The following RAD54B variants were observed in gnomAD, a reference collection of about 807,000 sequenced individuals.
RAD54B encodes the protein DNA repair and recombination protein RAD54B.
Under a neutral mutation model 95.8 loss-of-function variants are expected in RAD54B, and 78 were observed. The observed-to-expected ratio is 0.81, with a 90% CI of 0.68 to 0.98. RAD54B has a LOEUF of 0.98. Ranked by LOEUF, RAD54B falls within the 50% of genes least tolerant of loss-of-function variation. The pLI, the probability that RAD54B is intolerant of heterozygous loss-of-function variation, is 0.00. For synonymous variants in RAD54B, 328 were observed against 354.9 expected, an observed-to-expected ratio of 0.92 and a Z score of 0.85; for missense variants, 957 against 1,056.6, an observed-to-expected ratio of 0.91 and a Z score of 1.31.
At position 94,472,886 on chromosome 8, in the gene RAD54B, T is replaced by C. The variant is rs561591222; in HGVS notation, c.-17+2115A>G. The stretch of plus-strand genomic sequence containing the variant: ...TTTCTGATTTTTCAATCCTCCTATT[T>C]TGTAAACTAATAAAAATGATAATGC... On this transcript the variant is annotated intron_variant, in intron 1 of 14. Transcript: ENST00000336148. 2.0e-5 allele frequency among the ~76,000 whole-genome samples: 3 copies of C among 152,278 alleles called. No homozygotes were observed. In the East Asian group the frequency reaches 5.8e-4, roughly 29 times the overall value.
chr8:94,453,751 A>G (rs1490980642), intron 3 of RAD54B, among the ~76,000 whole-genome samples: 1 of 152,216 alleles, frequency 6.6e-6, no homozygotes, highest in Non-Finnish European at 1.5e-5. Flanking sequence ...GGAAGTAGAC[A>G]GCTATGTAAC....
At chr8:94,471,442 G>A (rs1459461725) in intron 1 of RAD54B, among the ~76,000 whole-genome samples, 1 of 152,074 alleles carries the variant, frequency 6.6e-6, no homozygotes, top group East Asian at 1.9e-4. Flanking sequence ...AAGCAAAGGA[G>A]CATGAGAGAA....
intron 3 of RAD54B, among the ~76,000 whole-genome samples, chr8:94,456,662 A>G (rs971774461): frequency 6.6e-6 from 1 of 152,196 alleles, no homozygotes; most frequent in Non-Finnish European, 1.5e-5. Context: ...GGAAAATGAC[A>G]TATGTTATTT....
At chr8:94,375,834 A>T (rs1005741909) in intron 14 of RAD54B, among the ~76,000 whole-genome samples, 2 of 152,204 alleles carry the variant, frequency 1.3e-5, no homozygotes, top group African/African-American at 4.8e-5. Context: ...GCATACATAT[A>T]TATCTGGAAG....
chr8:94,410,490 A>G (rs1811502743), intron 4 of RAD54B, among the ~76,000 whole-genome samples: 1 of 152,236 alleles, frequency 6.6e-6, no homozygotes, highest in Admixed American at 6.5e-5. Context: ...GTAAATAAAC[A>G]TGTAGAACAG....
intron 3 of RAD54B, among the ~76,000 whole-genome samples, chr8:94,425,985 C>A (rs1024935326): frequency 6.6e-6 from 1 of 152,294 alleles, no homozygotes; most frequent in Non-Finnish European, 1.5e-5. Context: ...CAGGGTCTTG[C>A]TCTGTTGCCC....
chr8:94,426,344 C>A (rs1198968987), intron 3 of RAD54B, among the ~76,000 whole-genome samples: 2 of 151,636 alleles, frequency 1.3e-5, no homozygotes, highest in African/African-American at 4.8e-5. Context: ...CTGGCAATTT[C>A]TTAAAGGTTA....
At chr8:94,422,361 C>T (rs1394494715) in intron 3 of RAD54B, among the ~76,000 whole-genome samples, 1 of 151,000 alleles carries the variant, frequency 6.6e-6, no homozygotes, top group Admixed American at 6.6e-5. Context: ...CTGAGGCAGG[C>T]GGATTACCTG....
At chr8:94,377,468 G>A (rs1231472851) in intron 14 of RAD54B, among the ~76,000 whole-genome samples, 11 of 147,880 alleles carry the variant, frequency 7.4e-5, no homozygotes, top group South Asian at 6.4e-4. Context: ...CCCAGGAGGC[G>A]GAGGTTGCAG....
chr8:94,404,098 T>C lies in RAD54B; in HGVS notation c.923A>G (p.Tyr308Cys). The C allele has an allele frequency of 1.2e-6, 2 of 1,602,486 alleles. No individual in the cohort carries two copies. The highest frequency in any genetic ancestry group is 1.7e-6 in the Non-Finnish European group (2 of 1,174,536). Residue 308 changes from tyrosine to cysteine, a missense_variant, in exon 6 of 15, where the codon TAT becomes TGT. Transcript: ENST00000336148. ...CTACCTCATTCCCATTACACATTCA[T>C]AAAGGAATATGATTCCTTCTTTCTG... ...PHQKEGIIFL[Y>C]ECVMGMRMNG...
chr8:94,410,835 A>G (rs1192903971), intron 4 of RAD54B, among the ~76,000 whole-genome samples: 2 of 152,196 alleles, frequency 1.3e-5, no homozygotes, highest in African/African-American at 2.4e-5. Context: ...TTAGTGTTTA[A>G]GCTCAGAAAA....
intron 14 of RAD54B, among the ~76,000 whole-genome samples, chr8:94,377,058 G>A (rs1335160041): frequency 6.6e-6 from 1 of 151,984 alleles, no homozygotes; most frequent in Non-Finnish European, 1.5e-5. Context: ...CTATTCTGGA[G>A]GGTAAATTTT....
At chr8:94,385,225 G>T (rs780144824) in intron 11 of RAD54B, among the ~76,000 whole-genome samples, 1 of 151,804 alleles carries the variant, frequency 6.6e-6, no homozygotes. Flanking sequence ...TTTCCCCTAT[G>T]ACATCTTCAA....
intron 3 of RAD54B, among the ~76,000 whole-genome samples, chr8:94,442,439 G>A (rs900811373): frequency 2.0e-5 from 3 of 152,056 alleles, no homozygotes; most frequent in South Asian, 4.1e-4. Flanking sequence ...GCCAGGCGTG[G>A]TGGCAGGCGC....
chr8:94,451,648 T>G (rs1263204154), intron 3 of RAD54B, among the ~76,000 whole-genome samples: 1 of 152,128 alleles, frequency 6.6e-6, no homozygotes, highest in Non-Finnish European at 1.5e-5. Flanking sequence ...TACTAAGAAC[T>G]ATTTCCGTGA....
At chr8:94,390,677 T>C (rs959581940) in intron 10 of RAD54B, among the ~76,000 whole-genome samples, 4 of 150,552 alleles carry the variant, frequency 2.7e-5, no homozygotes, top group Non-Finnish European at 5.9e-5. Flanking sequence ...CTAGTACTTA[T>C]TCCAGAGTTT....
At chr8:94,415,364 A>G (rs1180290726) in intron 3 of RAD54B, among the ~76,000 whole-genome samples, 2 of 149,288 alleles carry the variant, frequency 1.3e-5, no homozygotes, top group Admixed American at 6.8e-5. Flanking sequence ...ACAAAAATCA[A>G]TTCAAGATGG....
intron 3 of RAD54B, among the ~76,000 whole-genome samples, chr8:94,416,959 T>C (rs1336983877): frequency 6.6e-6 from 1 of 152,210 alleles, no homozygotes; most frequent in Non-Finnish European, 1.5e-5. Context: ...TTATTAATAA[T>C]AGCCGACAGG....
At chr8:94,377,067 T>G (rs1810594721) in intron 14 of RAD54B, among the ~76,000 whole-genome samples, 1 of 152,118 alleles carries the variant, frequency 6.6e-6, no homozygotes, top group Admixed American at 6.5e-5. Flanking sequence ...AGGGTAAATT[T>G]TCAGCTTTAC....
Sources: allele counts gnomAD v4.1 joint callset (sites outside exome capture counted in the v4.1 genomes callset), GRCh38; gene constraint gnomAD v4.1.1; transcripts MANE v1.5; gene names NCBI Gene and HGNC (gene_info 2026-07-23, HGNC 2026-07-21).